Variants in SLC30A6 observed in about 807,000 individuals in gnomAD.
SLC30A6 encodes the protein zinc transporter 6.
SLC30A6 carries 55 observed loss-of-function variants against 63.0 expected under a neutral mutation model. That is an observed-to-expected ratio of 0.87 (90% CI 0.70 to 1.09). SLC30A6 has a LOEUF of 1.09. SLC30A6 is among the 50% of genes least tolerant of loss of function. The probability of loss-of-function intolerance (pLI) is 0.00; values close to 1 mark genes in which losing one functional copy is unlikely to be tolerated. For missense variants in SLC30A6, 587 were observed against 549.2 expected (o/e 1.07, Z -0.69); for synonymous variants, 224 against 186.1 (o/e 1.20, Z -1.66).
At chr2:32,170,309 C>A (rs914492064) in intron 1 of SLC30A6, among the ~76,000 whole-genome samples, 1 of 152,176 alleles carries the variant, frequency 6.6e-6, no homozygotes. Flanking sequence ...CATTTATTGA[C>A]TGGCTTATAT....
At chr2:32,208,459 A>T (rs1456290300) in intron 12 of SLC30A6, among the ~76,000 whole-genome samples, 1 of 150,396 alleles carries the variant, frequency 6.6e-6, no homozygotes. Context: ...ATATATATAT[A>T]AAAAGAGATG....
In SLC30A6 at chr2:32,175,331, A is replaced by G. The variant is rs371890282; in HGVS notation, c.188A>G (p.Tyr63Cys). Residue 63 changes from tyrosine (Y) to cysteine (C), a missense_variant, in exon 4 of 14, where the codon TAT becomes TGT. Coordinates refer to ENST00000282587, the MANE Select transcript of SLC30A6 (RefSeq NM_017964.5). ...TGTTGTTTTGCAGCTTTAACTGCCT[A>G]TACTTACCTGACCATTTTTGATCTT... ...SSTNSIALTA[Y>C]TYLTIFDLFS... 2.7e-5 allele frequency: 43 copies of G among 1,611,918 alleles called. No individual in the cohort carries two copies. The highest frequency in any genetic ancestry group is 3.6e-5 in the Non-Finnish European group (43 of 1,179,414).
intron 4 of SLC30A6, among the ~76,000 whole-genome samples, chr2:32,178,160 G>C (rs1164371604): frequency 1.3e-5 from 2 of 151,578 alleles, no homozygotes; most frequent in Admixed American, 6.6e-5. Flanking sequence ...TGTTAGCCAG[G>C]ATGGTCTCAA....
intron 5 of SLC30A6, among the ~76,000 whole-genome samples, chr2:32,190,336 G>A (rs902279442): frequency 1.5e-4 from 23 of 151,974 alleles, no homozygotes; most frequent in African/African-American, 5.3e-4. Context: ...GTGGGTGCCT[G>A]TAATCCCAGC....
intron 13 of SLC30A6, among the ~76,000 whole-genome samples, chr2:32,214,815 C>T (rs1007932189): frequency 6.6e-6 from 1 of 152,154 alleles, no homozygotes; most frequent in Non-Finnish European, 1.5e-5. Flanking sequence ...ATTTTAATTA[C>T]TTTGATTTCC....
At chr2:32,189,763 C>A (rs1683165325) in intron 5 of SLC30A6, among the ~76,000 whole-genome samples, 1 of 151,860 alleles carries the variant, frequency 6.6e-6, no homozygotes, top group African/African-American at 2.4e-5. Context: ...CACATCCCAC[C>A]ATGCCTGGCT....
chr2:32,211,669 G>A (rs182665556), intron 13 of SLC30A6, among the ~76,000 whole-genome samples: 99 of 151,864 alleles, frequency 6.5e-4, no homozygotes, highest in Non-Finnish European at 1.2e-3. Context: ...CCAGGTGGGC[G>A]TGCAGTAGTG....
In SLC30A6 at chr2:32,211,001, A is replaced by C. The variant is rs372890945; in HGVS notation, c.885+1440A>C. Among the ~76,000 whole-genome samples the C allele has an allele frequency of 2.7e-5, 4 of 150,302 alleles. No individual in the cohort carries two copies. The East Asian group carries it at 5.9e-4, about 22-fold the overall frequency. The stretch of plus-strand genomic sequence containing the variant: ...AGTTACCTATGGGGCACTCCTGGGA[A>C]GCAGGACAGCTTTAGAGATCTACCC... On this transcript the variant is annotated intron_variant, in intron 13 of 13. Transcript: ENST00000282587.
intron 13 of SLC30A6, among the ~76,000 whole-genome samples, chr2:32,218,001 G>A (rs1474332424): frequency 6.6e-6 from 1 of 152,014 alleles, no homozygotes; most frequent in Admixed American, 6.6e-5. Flanking sequence ...GTGCCACCAC[G>A]CCCAGCTAAT....
At chr2:32,190,473 A>C (rs1307987851) in intron 5 of SLC30A6, among the ~76,000 whole-genome samples, 1 of 152,018 alleles carries the variant, frequency 6.6e-6, no homozygotes, top group African/African-American at 2.4e-5. Flanking sequence ...AAAAAAAAAA[A>C]AGTTTTAAAT....
chr2:32,170,159 T>A (rs1484272206), intron 1 of SLC30A6, among the ~76,000 whole-genome samples: 1 of 152,194 alleles, frequency 6.6e-6, no homozygotes, highest in Non-Finnish European at 1.5e-5. Context: ...TAAGAAAGGC[T>A]TCCCCCAACT....
At position 32,203,918 on chromosome 2, in the gene SLC30A6, G is replaced by A. The variant is rs558045232; in HGVS notation, c.666-672G>A. Reference sequence around the variant, plus strand: ...GTTAGACAGAGTCCACAAGGGAGTCGCTCAGGAAGTTGACAAGATGGTAGA... The same window carrying A: ...GTTAGACAGAGTCCACAAGGGAGTCACTCAGGAAGTTGACAAGATGGTAGA... On this transcript the variant is annotated intron_variant, in intron 10 of 13. Transcript: ENST00000282587. The A allele has an allele frequency of 5.0e-5, 43 of 851,872 alleles. 1 individual carries two copies. Among genetic ancestry groups the A allele is most frequent in the East Asian group, 9.7e-5 (4 of 41,402 alleles). The allele number at this position is 851,872 out of a possible 1,614,324, so 52.8% of individuals were successfully genotyped here. A position where few individuals can be genotyped will look rare whatever the true frequency, so the allele number is the denominator to read the frequency against.
At chr2:32,204,833 A>G in intron 11 of SLC30A6, 141 bp downstream of exon 11, 1 of 221,114 alleles carries the variant, frequency 4.5e-6, no homozygotes, top group Non-Finnish European at 7.6e-6. Flanking sequence ...TTTTTTTTAG[A>G]GACAGGTCCT....
At chr2:32,208,014 A>G (rs1684929892) in intron 12 of SLC30A6, among the ~76,000 whole-genome samples, 1 of 150,608 alleles carries the variant, frequency 6.6e-6, no homozygotes, top group Admixed American at 6.6e-5. Context: ...TTGTATTTTT[A>G]GTAGAGACGG....
rs141605765 is a variant in SLC30A6, at chr2:32,183,823, T to A, written c.219-450T>A. On this transcript the variant is annotated intron_variant, in intron 4 of 13. Coordinates refer to ENST00000282587, the MANE Select transcript of SLC30A6 (RefSeq NM_017964.5). Reference sequence around the variant, plus strand: ...CAGTGAATCTACTATAGTTGGAAAATGAACATAATTTTATCTCACTCAAAA... The same window carrying A: ...CAGTGAATCTACTATAGTTGGAAAAAGAACATAATTTTATCTCACTCAAAA... Among the ~76,000 whole-genome samples the A allele has an allele frequency of 1.4e-3, 211 of 152,270 alleles. 8 individuals are homozygous for A. Among genetic ancestry groups the A allele is most frequent in the Admixed American group, 0.012 (188 of 15,288 alleles).
At chr2:32,205,819 C>T (rs1442517605) in intron 11 of SLC30A6, among the ~76,000 whole-genome samples, 2 of 151,642 alleles carry the variant, frequency 1.3e-5, no homozygotes, top group Non-Finnish European at 2.9e-5. Flanking sequence ...AGCCATGTGC[C>T]ACCACGCCTG....
At chr2:32,200,560 C>T (rs1260946257) in intron 10 of SLC30A6, among the ~76,000 whole-genome samples, 3 of 151,184 alleles carry the variant, frequency 2.0e-5, no homozygotes, top group African/African-American at 7.3e-5. Flanking sequence ...TTACCCCCAA[C>T]CCTGTGCTCT....
At chr2:32,204,242 T>A (rs1684548039) in intron 10 of SLC30A6, among the ~76,000 whole-genome samples, 1 of 152,132 alleles carries the variant, frequency 6.6e-6, no homozygotes, top group African/African-American at 2.4e-5. Flanking sequence ...CTAGTTGAAG[T>A]TTTTTGTCTG....
intron 13 of SLC30A6, among the ~76,000 whole-genome samples, chr2:32,216,194 C>G (rs796726143): frequency 2.6e-4 from 40 of 152,238 alleles, no homozygotes; most frequent in African/African-American, 9.6e-4. Flanking sequence ...TAAACACTCC[C>G]TTTTCTCTGC....
Sources: gnomAD v4.1 joint callset for allele counts (sites outside exome capture counted in the v4.1 genomes callset) on GRCh38, gnomAD v4.1.1 for gene constraint, MANE v1.5 for transcripts, NCBI Gene and HGNC (gene_info 2026-07-23, HGNC 2026-07-21) for gene names.